EMCN: variants seen among roughly 807,000 people sequenced by gnomAD.
EMCN encodes endomucin.
In EMCN, 37 loss-of-function variants were observed where a neutral mutation model predicts 38.4. The ratio of observed to expected loss-of-function variants is 0.96; its 90% CI spans 0.74 to 1.27. The LOEUF (loss-of-function observed/expected upper bound fraction) is 1.27. Among genes scored for constraint, EMCN ranks in the 50% most tolerant of loss-of-function variants. EMCN has a pLI of 0.00. For missense variants in EMCN, 318 were observed against 302.8 expected, an observed-to-expected ratio of 1.05 and a Z score of -0.37; for synonymous variants, 95 against 100.8, an observed-to-expected ratio of 0.94 and a Z score of 0.35.
At chr4:100,431,787 CTCTA>C (rs1389753556) in intron 5 of EMCN, among the ~76,000 whole-genome samples, 1 of 151,844 alleles carries the variant, frequency 6.6e-6, no homozygotes, top group Non-Finnish European at 1.5e-5. Context: ...TCCCCCATCC[CTCTA>C]TCTATTTCTC....
chr4:100,461,961 T>C (rs1728191225), intron 4 of EMCN, among the ~76,000 whole-genome samples: 1 of 152,164 alleles, frequency 6.6e-6, no homozygotes, highest in Non-Finnish European at 1.5e-5. Flanking sequence ...TTATGTGTGA[T>C]GGGCGGAAAG....
At chr4:100,406,321 T>C (rs571476965) in intron 11 of EMCN, among the ~76,000 whole-genome samples, 1 of 152,144 alleles carries the variant, frequency 6.6e-6, no homozygotes, top group Non-Finnish European at 1.5e-5. Flanking sequence ...CTAGGTGTGA[T>C]GTTAGATTGT....
At chr4:100,469,898 T>C (rs1214114529) in intron 3 of EMCN, among the ~76,000 whole-genome samples, 1 of 152,066 alleles carries the variant, frequency 6.6e-6, no homozygotes, top group Non-Finnish European at 1.5e-5. Flanking sequence ...TGGTTCCATA[T>C]GAATTTTTAA....
chr4:100,496,732 CA>C (rs1371460932), intron 1 of EMCN, among the ~76,000 whole-genome samples: 2 of 152,030 alleles, frequency 1.3e-5, no homozygotes, highest in East Asian at 3.9e-4. Flanking sequence ...ATGAAAGCAC[CA>C]AACATGTATG....
intron 1 of EMCN, among the ~76,000 whole-genome samples, chr4:100,505,570 C>T (rs1411961686): frequency 6.6e-6 from 1 of 152,036 alleles, no homozygotes; most frequent in African/African-American, 2.4e-5. Context: ...AGGGATTCAC[C>T]CACATGAGGC....
At chr4:100,474,050 A>G (rs1384619794) in intron 3 of EMCN, 1 of 152,238 alleles carries the variant, frequency 6.6e-6, no homozygotes, top group African/African-American at 2.4e-5. Context: ...AGGCTTCAAA[A>G]GATACTATCA....
intron 1 of EMCN, among the ~76,000 whole-genome samples, chr4:100,484,746 T>C (rs1728896457): frequency 6.6e-6 from 1 of 152,140 alleles, no homozygotes; most frequent in Non-Finnish European, 1.5e-5. Flanking sequence ...TCCAGGATGA[T>C]TTGAGATCGG....
chr4:100,419,850 G>C (rs749077539), intron 8 of EMCN, among the ~76,000 whole-genome samples: 3 of 151,914 alleles, frequency 2.0e-5, no homozygotes, highest in Non-Finnish European at 4.4e-5. Flanking sequence ...CTGCTGTTTT[G>C]GTCTCCTAGC....
chr4:100,481,770 G>C (rs545917619), intron 1 of EMCN, among the ~76,000 whole-genome samples: 1 of 152,146 alleles, frequency 6.6e-6, no homozygotes, highest in East Asian at 1.9e-4. Context: ...TAGCCTGAAT[G>C]ATCCTCACCT....
At chr4:100,445,474 T>C (rs1727643495) in intron 5 of EMCN, among the ~76,000 whole-genome samples, 1 of 152,170 alleles carries the variant, frequency 6.6e-6, no homozygotes, top group Non-Finnish European at 1.5e-5. Context: ...AAAGAAAATA[T>C]CAAATGTGAG....
At chr4:100,482,576 A>C (rs1362153628) in intron 1 of EMCN, among the ~76,000 whole-genome samples, 1 of 152,134 alleles carries the variant, frequency 6.6e-6, no homozygotes, top group Non-Finnish European at 1.5e-5. Flanking sequence ...AGAGTACTGC[A>C]AACAGTTCTG....
chr4:100,484,245 A>G (rs988942966), intron 1 of EMCN, among the ~76,000 whole-genome samples: 10 of 152,194 alleles, frequency 6.6e-5, no homozygotes, highest in African/African-American at 2.4e-4. Flanking sequence ...ATGTGCACAT[A>G]TAGGGTCTTT....
At chr4:100,454,104 C>T (rs1196313006) in intron 4 of EMCN, among the ~76,000 whole-genome samples, 2 of 151,530 alleles carry the variant, frequency 1.3e-5, no homozygotes, top group Admixed American at 6.6e-5. Context: ...AGCACACCAG[C>T]ATGGCACATG....
intron 5 of EMCN, among the ~76,000 whole-genome samples, chr4:100,444,320 C>T (rs1183377159): frequency 6.6e-6 from 1 of 152,200 alleles, no homozygotes; most frequent in Non-Finnish European, 1.5e-5. Context: ...TACGGTACTA[C>T]ATTAGCTATG....
intron 5 of EMCN, among the ~76,000 whole-genome samples, chr4:100,426,329 A>G (rs964479519): frequency 1.3e-5 from 2 of 152,116 alleles, no homozygotes; most frequent in Non-Finnish European, 2.9e-5. Context: ...TGCCAGGAAT[A>G]TTAAGGCCGG....
chr4:100,460,973 C>G (rs961574235), intron 4 of EMCN, among the ~76,000 whole-genome samples: 1 of 152,152 alleles, frequency 6.6e-6, no homozygotes, highest in Non-Finnish European at 1.5e-5. Context: ...CTGCTCTCAA[C>G]TCTCCATCAC....
At chr4:100,403,254 T>C (rs1018998094) in intron 11 of EMCN, among the ~76,000 whole-genome samples, 1 of 152,066 alleles carries the variant, frequency 6.6e-6, no homozygotes, top group Non-Finnish European at 1.5e-5. Context: ...GCTTTGTGCC[T>C]TTAGTGCTTG....
Position 100,447,524 on chromosome 4 carries a change from A to C in EMCN, c.415+9T>G. ...ATACTAAGAGAGAGACAGAGAAAAA[A>C]GAGCTTACCTGGTATTTCTGTTGTT... On this transcript the variant is annotated intron_variant, in intron 5 of 11. Transcript: ENST00000296420. The C allele has an allele frequency of 6.3e-7, 1 of 1,598,202 alleles. No homozygotes were observed. The highest frequency in any genetic ancestry group is 8.6e-7 in the Non-Finnish European group (1 of 1,167,172).
chr4:100,473,826 T>G (rs1479981997), intron 3 of EMCN: 1 of 146,760 alleles, frequency 6.8e-6, no homozygotes, highest in Non-Finnish European at 1.6e-5. Context: ...AATTAAAAAA[T>G]CCTCGTTTTG....
Sources: gnomAD v4.1 joint callset for allele counts (sites outside exome capture counted in the v4.1 genomes callset) on GRCh38, gnomAD v4.1.1 for gene constraint, MANE v1.5 for transcripts, NCBI Gene and HGNC (gene_info 2026-07-23, HGNC 2026-07-21) for gene names.